The following FLNB variants were observed in gnomAD, a reference collection of about 807,000 sequenced individuals.
FLNB encodes the protein filamin B, also known as filamin-B.
A neutral mutation model predicts 250.6 loss-of-function variants in FLNB; 111 were observed. That is an observed-to-expected ratio of 0.44 (90% CI 0.38 to 0.52). FLNB has a LOEUF of 0.52. Ranked by LOEUF, FLNB falls within the 20% of genes least tolerant of loss-of-function variation. The pLI is 0.00. For missense variants in FLNB, 2,869 were observed against 3,447.8 expected (o/e 0.83, Z 4.20); for synonymous variants, 1,302 against 1,372.1 (o/e 0.95, Z 1.13).
chr3:58,032,074 G>T (rs1034957998), intron 1 of FLNB, among the ~76,000 whole-genome samples: 1 of 151,734 alleles, frequency 6.6e-6, no homozygotes, highest in Non-Finnish European at 1.5e-5. Context: ...GATTACAGGT[G>T]TGTGCCACCA....
At position 58,142,532 on chromosome 3, in the gene FLNB, G is replaced by T. The variant is rs934891768; in HGVS notation, c.5182-118G>T. 8 of 852,756 alleles carry T rather than the reference G, an allele frequency of 9.4e-6. No homozygotes were observed. Among genetic ancestry groups the T allele is most frequent in the Non-Finnish European group, 1.6e-5 (8 of 515,998 alleles). The allele number at this position is 852,756 out of a possible 1,614,324, so 52.8% of individuals were successfully genotyped here. On this transcript the variant is annotated intron_variant, in intron 30 of 45. Transcript: ENST00000295956. This position sits in a 1 kb window ranked among gnomAD's most constrained non-coding sequence, Gnocchi z 4.3. ...AAAGCCCATACCACAATGGGCAGCC[G>T]CATTCCCAAATCCCGGCCTCACTGG...
intron 1 of FLNB, among the ~76,000 whole-genome samples, chr3:58,072,142 G>A (rs2097195508): frequency 1.3e-5 from 2 of 152,190 alleles, no homozygotes; most frequent in South Asian, 4.1e-4. Context: ...TCACTTAGAA[G>A]CAACACTGAG....
intron 24 of FLNB, among the ~76,000 whole-genome samples, chr3:58,129,621 G>A (rs1342487954): frequency 6.6e-6 from 1 of 152,220 alleles, no homozygotes; most frequent in East Asian, 1.9e-4. Context: ...AAACCCAGCT[G>A]TTGTTAGAAA....
At chr3:58,104,122 G>T (rs766932995) in intron 10 of FLNB, 37 bp downstream of exon 10, 39 of 1,612,202 alleles carry the variant, frequency 2.4e-5, no homozygotes, top group Non-Finnish European at 3.2e-5. Flanking sequence ...TCTCTGGAGG[G>T]TGCTCGGCCC....
intron 27 of FLNB, 152 bp downstream of exon 27, chr3:58,134,924 C>A: frequency 1.4e-6 from 1 of 727,376 alleles, no homozygotes; most frequent in Non-Finnish European, 2.3e-6. Flanking sequence ...TGTGCAGAAG[C>A]AGAAGCAGCT....
chr3:58,116,248 A>C (rs1336339114), intron 18 of FLNB, among the ~76,000 whole-genome samples: 1 of 152,218 alleles, frequency 6.6e-6, no homozygotes, highest in Non-Finnish European at 1.5e-5. Flanking sequence ...GTCAGCCCAG[A>C]AAGCCACCCC....
chr3:58,126,693 G>T lies in FLNB; in HGVS notation c.4153G>T (p.Ala1385Ser), dbSNP rs752941246. Residue 1385 changes from alanine to serine, a missense_variant, in exon 24 of 46, where the codon GCT becomes TCT. By Grantham distance (99) the Ala-to-Ser change is moderately conservative. Transcript: ENST00000295956. The stretch of plus-strand genomic sequence containing the variant: ...AGACAACAAGGATGGCAGCTGCAGT[G>T]CTGAGTACATTCCTTTCGCACCGGG... ...CRDNKDGSCS[A>S]EYIPFAPGDY... 7 of 1,613,928 alleles carry T rather than the reference G, an allele frequency of 4.3e-6. No individual in the cohort carries two copies. The highest frequency in any genetic ancestry group is 5.9e-6 in the Non-Finnish European group (7 of 1,179,800).
chr3:58,100,053 A>T (rs966329177), intron 8 of FLNB, among the ~76,000 whole-genome samples: 1 of 152,106 alleles, frequency 6.6e-6, no homozygotes, highest in Non-Finnish European at 1.5e-5. Context: ...CTTAAGACAC[A>T]TTAAAGCCCT....
chr3:58,167,391 C>G (rs1393528953), intron 43 of FLNB, among the ~76,000 whole-genome samples: 3 of 152,242 alleles, frequency 2.0e-5, no homozygotes, highest in Non-Finnish European at 2.9e-5. Flanking sequence ...GATAGCAGCT[C>G]TTTTGTTTTT....
chr3:58,040,774 C>T (rs767153070), intron 1 of FLNB, among the ~76,000 whole-genome samples: 3 of 152,164 alleles, frequency 2.0e-5, no homozygotes, highest in African/African-American at 4.8e-5. Flanking sequence ...GGATTACAGG[C>T]GTGAGCCACC....
chr3:58,081,904 C>G, intron 4 of FLNB, 128 bp downstream of exon 4: 1 of 989,176 alleles, frequency 1.0e-6, no homozygotes, highest in Admixed American at 1.8e-5. Flanking sequence ...AGACCCCAAG[C>G]CTCCTTTGTA....
At chr3:58,011,179 G>A (rs527377960) in intron 1 of FLNB, among the ~76,000 whole-genome samples, 1 of 151,958 alleles carries the variant, frequency 6.6e-6, no homozygotes, top group African/African-American at 2.4e-5. Context: ...TCCCAAGTGC[G>A]GGGGTTACAG....
intron 1 of FLNB, among the ~76,000 whole-genome samples, chr3:58,033,262 T>G (rs2097133460): frequency 6.6e-6 from 1 of 152,208 alleles, no homozygotes; most frequent in Non-Finnish European, 1.5e-5. Context: ...TTGTGCCTCT[T>G]TGTAATTCTT....
intron 4 of FLNB, among the ~76,000 whole-genome samples, chr3:58,090,116 G>A (rs546375468): frequency 1.3e-5 from 2 of 149,712 alleles, no homozygotes; most frequent in African/African-American, 4.9e-5. Context: ...TTTTTTCTGT[G>A]TTTAAAACTT....
rs2107106869 is a variant in FLNB at position 58,106,678 on chromosome 3, A to G, written c.1748-2A>G. Reference sequence around the variant, plus strand: ...GGAGACCCTTCCACCTCCACCCCCTAGGGTTTGCCATTGAAGGCCCCTCTC... The same window carrying G: ...GGAGACCCTTCCACCTCCACCCCCTGGGGTTTGCCATTGAAGGCCCCTCTC... On this transcript the variant is annotated splice_acceptor_variant, in intron 11 of 45. Coordinates refer to ENST00000295956, the MANE Select transcript of FLNB (RefSeq NM_001457.4). LOFTEE classifies it high-confidence loss of function. 6.2e-7 allele frequency: 1 copy of G among 1,613,938 alleles called. No individual in the cohort carries two copies. Among genetic ancestry groups the G allele is most frequent in the Non-Finnish European group, 8.5e-7 (1 of 1,179,890 alleles).
chr3:58,066,154 T>C (rs955735296), intron 1 of FLNB, among the ~76,000 whole-genome samples: 23 of 152,316 alleles, frequency 1.5e-4, no homozygotes, highest in African/African-American at 5.3e-4. Context: ...CGCAATTGCT[T>C]TGACCATTTT....
chr3:58,155,558 A>G (rs1363750932), intron 40 of FLNB, among the ~76,000 whole-genome samples: 1 of 149,856 alleles, frequency 6.7e-6, no homozygotes, highest in Admixed American at 6.6e-5. Context: ...TAACTGTAAA[A>G]TGACATAAAA....
intron 1 of FLNB, among the ~76,000 whole-genome samples, chr3:58,027,248 G>A (rs1474552124): frequency 6.6e-6 from 1 of 151,864 alleles, no homozygotes; most frequent in African/African-American, 2.4e-5. Context: ...CGCCTCCCAG[G>A]TTCAAGGGAT....
intron 24 of FLNB, 57 bp from the exon 25 acceptor site, chr3:58,130,684 C>A: frequency 1.3e-6 from 2 of 1,573,804 alleles, no homozygotes; most frequent in East Asian, 4.5e-5. Flanking sequence ...TCTGGGTGTG[C>A]ACAAGGTGGT....
Sources: allele counts gnomAD v4.1 joint callset (sites outside exome capture counted in the v4.1 genomes callset), GRCh38; gene constraint gnomAD v4.1.1; non-coding constraint Gnocchi (gnomAD v3.1); transcripts MANE v1.5; gene names NCBI Gene and HGNC (gene_info 2026-07-23, HGNC 2026-07-21).